The following CASP9 variants were observed in gnomAD, a reference collection of about 807,000 sequenced individuals.
CASP9 encodes the protein caspase 9.
In CASP9, 29 loss-of-function variants were observed where a neutral mutation model predicts 43.5. That is an observed-to-expected ratio of 0.67 (90% CI 0.50 to 0.91). The LOEUF is 0.91. Among genes scored for constraint, CASP9 ranks in the 40% least tolerant of loss-of-function variants. The pLI is 0.00. For synonymous variants in CASP9, 206 were observed against 211.9 expected (o/e 0.97, Z 0.24); for missense variants, 575 against 537.4 (o/e 1.07, Z -0.69).
chr1:15,512,266 C>G (rs1191637029), intron 2 of CASP9, among the ~76,000 whole-genome samples: 2 of 152,044 alleles, frequency 1.3e-5, no homozygotes, highest in Admixed American at 6.5e-5. Flanking sequence ...CACAGGGTAC[C>G]CAAATATTTG....
chr1:15,509,655 A>G (rs1041800613), intron 2 of CASP9, among the ~76,000 whole-genome samples: 6 of 151,688 alleles, frequency 4.0e-5, no homozygotes, highest in Non-Finnish European at 8.8e-5. Flanking sequence ...AAAAAGAAAG[A>G]AAACGTGCTG....
chr1:15,503,738 T>C (rs1010001226), intron 6 of CASP9, among the ~76,000 whole-genome samples: 1 of 152,184 alleles, frequency 6.6e-6, no homozygotes, highest in African/African-American at 2.4e-5. Flanking sequence ...CGCTATGGTA[T>C]AACAGTGCTC....
Position 15,504,623 on chromosome 1 carries a change from C to T in CASP9, c.856G>A (p.Ala286Thr). The T allele has an allele frequency of 6.2e-7, 1 of 1,613,244 alleles. No individual in the cohort carries two copies. Among genetic ancestry groups the T allele is most frequent in the Non-Finnish European group, 8.5e-7 (1 of 1,179,602 alleles). Residue 286 changes from alanine (A) to threonine (T), a missense_variant, in exon 6 of 9, where the codon GCC (alanine) becomes ACC (threonine). Transcript: ENST00000333868. ...GGKPKLFFIQ[A>T]CGGEQKDHGF... ...AGGAGCTGCTTACCCCCACCACAGG[C>T]CTGGATGAAAAAGAGCTTGGGCTTC...
At chr1:15,504,895 T>G in intron 5 of CASP9, 137 bp from the exon 6 acceptor site, 2 of 810,654 alleles carry the variant, frequency 2.5e-6, no homozygotes, top group Non-Finnish European at 3.9e-6. Flanking sequence ...CAGAGCAGGT[T>G]GGTTCTGGAA....
chr1:15,493,152 G>A (rs1708955847), intron 8 of CASP9, 117 bp from the exon 9 acceptor site: 4 of 1,528,982 alleles, frequency 2.6e-6, no homozygotes, highest in Non-Finnish European at 3.5e-6. Context: ...AGCTCAAACT[G>A]CAGCCTCTTT....
chr1:15,502,686 G>A (rs943163778), intron 6 of CASP9, among the ~76,000 whole-genome samples: 2 of 152,188 alleles, frequency 1.3e-5, no homozygotes, highest in Non-Finnish European at 2.9e-5. Context: ...GGCCCTCCCT[G>A]CTGTTGAGAC....
intron 1 of CASP9, among the ~76,000 whole-genome samples, chr1:15,520,893 C>G (rs1199044182): frequency 6.6e-6 from 1 of 152,124 alleles, no homozygotes; most frequent in Non-Finnish European, 1.5e-5. Context: ...CGCGGTGGCT[C>G]AAGCCTGTAA....
chr1:15,504,346 A>G (rs4646055), intron 6 of CASP9, among the ~76,000 whole-genome samples: 33 of 152,358 alleles, frequency 2.2e-4, no homozygotes, highest in Admixed American at 5.2e-4. Context: ...TCTTTTTGCC[A>G]AGTCTTTGGA....
At position 15,492,930 on chromosome 1, in the gene CASP9, A is replaced by G; in HGVS notation, c.*13T>C. On this transcript the variant is annotated 3_prime_UTR_variant, in exon 9 of 9. Transcript: ENST00000333868. ...TTGGGGTGCAAGATAAGGCAGGGTG[A>G]GGGGCCCTGGCCTTATGATGTTTTA... 2 of 1,613,212 alleles carry G rather than the reference A, an allele frequency of 1.2e-6. No homozygotes were observed. The highest frequency in any genetic ancestry group is 2.2e-5 in the South Asian group (2 of 91,088).
intron 3 of CASP9, among the ~76,000 whole-genome samples, chr1:15,507,290 C>G (rs899377571): frequency 2.0e-5 from 3 of 152,142 alleles, no homozygotes; most frequent in Non-Finnish European, 4.4e-5. Flanking sequence ...AGCTGGTAAC[C>G]TGGAAATCCA....
At chr1:15,516,144 G>A (rs1027049067) in intron 2 of CASP9, among the ~76,000 whole-genome samples, 2 of 151,382 alleles carry the variant, frequency 1.3e-5, no homozygotes, top group East Asian at 1.9e-4. Context: ...GGAGGTTGCA[G>A]TGAGCTGAGA....
chr1:15,520,060 AAG>A (rs1245944069), intron 1 of CASP9: 5 of 152,238 alleles, frequency 3.3e-5, no homozygotes, highest in Admixed American at 6.5e-5. Flanking sequence ...ACTAAGAAGG[AAG>A]AGTCTGGTTA....
chr1:15,507,197 G>A lies in CASP9; in HGVS notation c.454-122C>T, dbSNP rs910947610. The A allele has an allele frequency of 7.3e-5, 76 of 1,046,460 alleles. No individual in the cohort carries two copies. The Admixed American group carries it at 7.8e-4, about 11-fold the overall frequency. The allele number at this position is 1,046,460 out of a possible 1,614,324, so 64.8% of individuals were successfully genotyped here. On this transcript the variant is annotated intron_variant, in intron 3 of 8. Transcript: ENST00000333868. ...ACAAGGAGTAGCAGGGTCTCCACCC[G>A]GCATTCCAGGGCAAAAGAGAAGCAA...
intron 6 of CASP9, among the ~76,000 whole-genome samples, chr1:15,499,209 T>C (rs1350523690): frequency 1.3e-5 from 2 of 152,142 alleles, no homozygotes; most frequent in Admixed American, 1.3e-4. Flanking sequence ...CATTTTTGAG[T>C]CTACTATTAC....
chr1:15,500,571 A>G (rs1709286960), intron 6 of CASP9, among the ~76,000 whole-genome samples: 1 of 152,140 alleles, frequency 6.6e-6, no homozygotes, highest in Non-Finnish European at 1.5e-5. Context: ...CAACTATCCC[A>G]CTGCTTCTCA....
At chr1:15,493,138 A>G (rs528782422) in intron 8 of CASP9, 103 bp from the exon 9 acceptor site, 59 of 1,551,322 alleles carry the variant, frequency 3.8e-5, no homozygotes, top group South Asian at 1.4e-4. Context: ...CGCACCTTAA[A>G]AACAGCTCAA....
chr1:15,518,390 T>C lies in CASP9; in HGVS notation c.138A>G (p.Ala46=), dbSNP rs1266432676. ...RPHMIEDIQR[A]GSGSRRDQAR... ...CCTGATCCCGCCGAGATCCAGAGCCTGCCCGCTGTTTGGAAAGAAAGGCAG... is the reference window on the plus strand; with the variant it reads ...CCTGATCCCGCCGAGATCCAGAGCCCGCCCGCTGTTTGGAAAGAAAGGCAG... The change falls in exon 2 of 9, where the codon GCA becomes GCG. Residue 46 remains alanine (A), a synonymous_variant. Coordinates refer to ENST00000333868, the MANE Select transcript of CASP9 (RefSeq NM_001229.5). The C allele has an allele frequency of 3.1e-6, 5 of 1,608,742 alleles. No homozygotes were observed. The highest frequency in any genetic ancestry group is 1.1e-5 in the South Asian group (1 of 91,008).
intron 7 of CASP9, 90 bp from the exon 8 acceptor site, chr1:15,494,091 G>A (rs968842377): frequency 2.2e-5 from 33 of 1,499,450 alleles, no homozygotes; most frequent in Non-Finnish European, 2.9e-5. Flanking sequence ...TGGCTCGGGC[G>A]CCCTCCAGAC....
At chr1:15,519,165 G>A (rs771150477) in intron 1 of CASP9, among the ~76,000 whole-genome samples, 2 of 151,302 alleles carry the variant, frequency 1.3e-5, no homozygotes, top group African/African-American at 2.4e-5. Context: ...ATGAGCCACC[G>A]TGGCCAGCCA....
Sources: allele counts gnomAD v4.1 joint callset (sites outside exome capture counted in the v4.1 genomes callset), GRCh38; gene constraint gnomAD v4.1.1; transcripts MANE v1.5; gene names NCBI Gene and HGNC (gene_info 2026-07-23, HGNC 2026-07-21).